BACE2: variants seen among roughly 807,000 people sequenced by gnomAD.
BACE2 encodes 56 kDa aspartic-like protease.
A neutral mutation model predicts 46.2 loss-of-function variants in BACE2; 17 were observed. The observed-to-expected ratio is 0.37, with a 90% CI of 0.25 to 0.55. BACE2 has a LOEUF of 0.55. BACE2 is among the 20% of genes least tolerant of loss of function. The pLI is 0.82. For missense variants in BACE2, 595 were observed against 698.1 expected (o/e 0.85, Z 1.66); for synonymous variants, 277 against 295.9 (o/e 0.94, Z 0.66).
At chr21:41,232,822 T>G (rs1987003415) in intron 2 of BACE2, among the ~76,000 whole-genome samples, 2 of 152,152 alleles carry the variant, frequency 1.3e-5, no homozygotes, top group African/African-American at 4.8e-5. Context: ...TTATTCACCC[T>G]TGGGTATTCC....
chr21:41,259,661 G>A (rs1378572167), intron 8 of BACE2, among the ~76,000 whole-genome samples: 1 of 131,502 alleles, frequency 7.6e-6, no homozygotes, highest in Non-Finnish European at 1.5e-5. Flanking sequence ...CCTGAGATTA[G>A]TGTATATTCT....
chr21:41,186,678 A>G (rs981470037), intron 1 of BACE2: 8 of 152,260 alleles, frequency 5.3e-5, no homozygotes, highest in Admixed American at 5.2e-4. Flanking sequence ...TTCAAGGGTG[A>G]GCTGGTGGTG....
intron 8 of BACE2, 61 bp from the exon 9 acceptor site, chr21:41,275,310 C>A: frequency 6.2e-7 from 1 of 1,605,058 alleles, no homozygotes; most frequent in South Asian, 1.1e-5. Context: ...CTGTCTGTGT[C>A]CAATGTGAGA....
At chr21:41,188,153 T>C (rs1191242053) in intron 1 of BACE2, among the ~76,000 whole-genome samples, 1 of 152,172 alleles carries the variant, frequency 6.6e-6, no homozygotes, top group African/African-American at 2.4e-5. Context: ...TCATTCAGAA[T>C]GGTCGGGCTG....
chr21:41,238,965 A>G lies in BACE2; in HGVS notation c.618+1236A>G, dbSNP rs1987211730. Among the ~76,000 whole-genome samples, 5 of 150,004 alleles carry G rather than the reference A, an allele frequency of 3.3e-5. No individual in the cohort carries two copies. The South Asian group carries it at 1.0e-3, about 31-fold the overall frequency. On this transcript the variant is annotated intron_variant, in intron 3 of 8. Transcript: ENST00000330333. ...ACTTAAAGTATAATTAAAAAAAAAA[A>G]AAAAAAAAAAAAAAGAACTGCAGAA... is the stretch of plus-strand genomic sequence containing the variant.
intron 7 of BACE2, 139 bp from the exon 8 acceptor site, chr21:41,257,019 G>A: frequency 3.5e-6 from 3 of 852,156 alleles, no homozygotes; most frequent in Non-Finnish European, 5.5e-6. Context: ...GGATGGCAGG[G>A]TGAGATCATC....
intron 1 of BACE2, among the ~76,000 whole-genome samples, chr21:41,224,624 G>A (rs532929041): frequency 1.3e-5 from 2 of 152,346 alleles, no homozygotes; most frequent in African/African-American, 4.8e-5. Flanking sequence ...ACTTGGGATA[G>A]ATGCTGGGCA....
rs532098490 is a variant in BACE2, at chr21:41,204,074, T to C, written c.313-22192T>C. Among the ~76,000 whole-genome samples, 9 of 152,312 alleles carry C rather than the reference T, an allele frequency of 5.9e-5. No individual in the cohort carries two copies. In the East Asian group the frequency reaches 1.7e-3, roughly 29 times the overall value. ...GGGTGAAGCCCAGGCTGGAGTGCAG[T>C]GGTGCAGTCTTGGCTCACTGTAGCC... is the stretch of plus-strand genomic sequence containing the variant. On this transcript the variant is annotated intron_variant, in intron 1 of 8. Coordinates refer to ENST00000330333, the MANE Select transcript of BACE2 (RefSeq NM_012105.5).
intron 1 of BACE2, chr21:41,184,425 A>T (rs1985286856): frequency 6.0e-6 from 1 of 167,104 alleles, no homozygotes; most frequent in South Asian, 2.1e-4. Flanking sequence ...ACTCTTGTAT[A>T]AGCTTTTCTG....
At chr21:41,229,211 C>A (rs908846293) in intron 2 of BACE2, among the ~76,000 whole-genome samples, 1 of 152,214 alleles carries the variant, frequency 6.6e-6, no homozygotes, top group South Asian at 2.1e-4. Context: ...CTGTACGACA[C>A]GTTTTCCACG....
At chr21:41,227,319 G>A (rs531711357) in intron 2 of BACE2, among the ~76,000 whole-genome samples, 1 of 152,280 alleles carries the variant, frequency 6.6e-6, no homozygotes, top group Non-Finnish European at 1.5e-5. Context: ...GTCACATTAG[G>A]TTTCCCTACT....
At chr21:41,270,166 C>T (rs771407982) in intron 8 of BACE2, among the ~76,000 whole-genome samples, 27 of 152,082 alleles carry the variant, frequency 1.8e-4, no homozygotes, top group Admixed American at 6.5e-5. Flanking sequence ...AATGTTCTTG[C>T]CCATTTTTGT....
chr21:41,215,321 C>G (rs1986428114), intron 1 of BACE2, among the ~76,000 whole-genome samples: 1 of 152,166 alleles, frequency 6.6e-6, no homozygotes, highest in South Asian at 2.1e-4. Context: ...CTCCTTAGGT[C>G]TCTGGCAGCT....
intron 1 of BACE2, among the ~76,000 whole-genome samples, chr21:41,173,303 TGAC>T (rs980576869): frequency 3.3e-5 from 5 of 152,210 alleles, no homozygotes; most frequent in Admixed American, 6.5e-5. Context: ...AATACACAAA[TGAC>T]GATTTTAGTG....
chr21:41,173,636 C>T (rs1326120176), intron 1 of BACE2, among the ~76,000 whole-genome samples: 1 of 152,076 alleles, frequency 6.6e-6, no homozygotes. Context: ...GTCCCAGCTA[C>T]TCAGGAGGCT....
At chr21:41,204,162 A>G (rs1398805665) in intron 1 of BACE2, among the ~76,000 whole-genome samples, 1 of 151,972 alleles carries the variant, frequency 6.6e-6, no homozygotes, top group Non-Finnish European at 1.5e-5. Flanking sequence ...AATTACAGGC[A>G]CTCACCATCA....
intron 1 of BACE2, among the ~76,000 whole-genome samples, chr21:41,199,002 C>T (rs1214634242): frequency 6.7e-6 from 1 of 149,340 alleles, no homozygotes; most frequent in Non-Finnish European, 1.5e-5. Context: ...GGTATATCTC[C>T]TAAAGCTATC....
At chr21:41,274,141 G>A (rs1441268128) in intron 8 of BACE2, among the ~76,000 whole-genome samples, 1 of 151,998 alleles carries the variant, frequency 6.6e-6, no homozygotes, top group African/African-American at 2.4e-5. Flanking sequence ...GGAAATGGGA[G>A]TATAGATTGA....
At chr21:41,219,404 A>C (rs1221861717) in intron 1 of BACE2, among the ~76,000 whole-genome samples, 1 of 152,236 alleles carries the variant, frequency 6.6e-6, no homozygotes, top group African/African-American at 2.4e-5. Context: ...ACATAGGAAG[A>C]GATAGGATGA....
Sources: allele counts gnomAD v4.1 joint callset (sites outside exome capture counted in the v4.1 genomes callset), GRCh38; gene constraint gnomAD v4.1.1; transcripts MANE v1.5; gene names NCBI Gene and HGNC (gene_info 2026-07-23, HGNC 2026-07-21).